Variants in UTRN observed in about 807,000 individuals in gnomAD.
UTRN encodes utrophin.
UTRN carries 283 observed loss-of-function variants against 463.9 expected under a neutral mutation model. The observed-to-expected ratio is 0.61, with a 90% CI of 0.55 to 0.67. UTRN has a LOEUF of 0.67. Among genes scored for constraint, UTRN ranks in the 30% least tolerant of loss-of-function variants. The probability of loss-of-function intolerance (pLI) is 0.00; values close to 1 mark genes in which losing one functional copy is unlikely to be tolerated. For missense variants in UTRN, 3,922 were observed against 4,084.3 expected (o/e 0.96, Z 1.08); for synonymous variants, 1,442 against 1,431.5 (o/e 1.01, Z -0.17).
At chr6:144,414,807 C>T (rs1784232921) in intron 3 of UTRN, among the ~76,000 whole-genome samples, 1 of 151,942 alleles carries the variant, frequency 6.6e-6, no homozygotes, top group South Asian at 2.1e-4. Context: ...CCTCCGCCTC[C>T]CAGGTTCAAG....
chr6:144,543,218 C>G (rs1798128107), intron 46 of UTRN, among the ~76,000 whole-genome samples: 1 of 152,190 alleles, frequency 6.6e-6, no homozygotes, highest in Admixed American at 6.5e-5. Context: ...TCAGCTATAA[C>G]TTGTTGTGTT....
chr6:144,381,249 C>T (rs968300184), intron 2 of UTRN, among the ~76,000 whole-genome samples: 2 of 152,142 alleles, frequency 1.3e-5, no homozygotes, highest in Non-Finnish European at 2.9e-5. Flanking sequence ...ATTTAGCTCC[C>T]ACTTAAAAGT....
intron 65 of UTRN, among the ~76,000 whole-genome samples, chr6:144,808,746 C>A (rs1226603229): frequency 6.6e-6 from 1 of 151,866 alleles, no homozygotes; most frequent in Non-Finnish European, 1.5e-5. Flanking sequence ...TTTAAAGGTC[C>A]CACATATAAG....
intron 55 of UTRN, 89 bp downstream of exon 55, chr6:144,748,603 AT>A: frequency 6.7e-7 from 1 of 1,496,742 alleles, no homozygotes; most frequent in Non-Finnish European, 8.9e-7. Flanking sequence ...ATAAATTGTT[AT>A]AAGGGATTGT....
chr6:144,310,781 C>CACAA (rs776473585), intron 2 of UTRN, among the ~76,000 whole-genome samples: 3 of 152,200 alleles, frequency 2.0e-5, no homozygotes, highest in Non-Finnish European at 4.4e-5. Flanking sequence ...CTGTCTCAAA[C>CACAA]ACAAACAAAC....
chr6:144,572,203 C>G (rs566173908), intron 50 of UTRN, among the ~76,000 whole-genome samples: 13 of 152,220 alleles, frequency 8.5e-5, no homozygotes, highest in African/African-American at 3.1e-4. Context: ...GTGATCTCCT[C>G]TCACCATTAA....
chr6:144,367,334 TA>T (rs10565161), intron 2 of UTRN, among the ~76,000 whole-genome samples: 100,498 of 147,130 alleles, frequency 0.68, 34,041 homozygotes, highest in Middle Eastern at 0.73. Context: ...AAGGATTTGT[TA>T]AAAAAAAAAA....
intron 51 of UTRN, among the ~76,000 whole-genome samples, chr6:144,664,030 C>G (rs773220667): frequency 7.2e-5 from 11 of 152,154 alleles, no homozygotes; most frequent in African/African-American, 1.2e-4. Flanking sequence ...CAGACAAGGA[C>G]ATTTTCAATG....
intron 53 of UTRN, among the ~76,000 whole-genome samples, chr6:144,729,697 AG>A (rs1788315366): frequency 6.6e-6 from 1 of 152,242 alleles, no homozygotes; most frequent in Non-Finnish European, 1.5e-5. Context: ...CTCCACTTCA[AG>A]GAACAAAGGT....
intron 51 of UTRN, among the ~76,000 whole-genome samples, chr6:144,588,712 C>T (rs1284286257): frequency 6.6e-6 from 1 of 152,134 alleles, no homozygotes; most frequent in African/African-American, 2.4e-5. Flanking sequence ...GTAGGTACTG[C>T]TAGATTTTAA....
chr6:144,604,727 A>C (rs1804649624), intron 51 of UTRN, among the ~76,000 whole-genome samples: 1 of 152,128 alleles, frequency 6.6e-6, no homozygotes, highest in African/African-American at 2.4e-5. Context: ...CAGCCTGGCC[A>C]ACATGGTGAA....
intron 2 of UTRN, among the ~76,000 whole-genome samples, chr6:144,394,750 G>A (rs1782247482): frequency 6.6e-6 from 1 of 151,934 alleles, no homozygotes; most frequent in Non-Finnish European, 1.5e-5. Flanking sequence ...GAAAATTGCT[G>A]TTTCTTGGAT....
chr6:144,294,563 T>G (rs1350675166), intron 2 of UTRN, among the ~76,000 whole-genome samples: 1 of 152,042 alleles, frequency 6.6e-6, no homozygotes, highest in Non-Finnish European at 1.5e-5. Context: ...TAGGAAAATT[T>G]TGATCCTCAT....
chr6:144,618,941 A>G (rs1775061998), intron 51 of UTRN, among the ~76,000 whole-genome samples: 1 of 152,112 alleles, frequency 6.6e-6, no homozygotes, highest in African/African-American at 2.4e-5. Flanking sequence ...CAGAATTTAT[A>G]TTCTTTCAAC....
At chr6:144,578,401 C>T (rs970765251) in intron 51 of UTRN, among the ~76,000 whole-genome samples, 5 of 152,148 alleles carry the variant, frequency 3.3e-5, no homozygotes, top group Non-Finnish European at 7.3e-5. Flanking sequence ...GTGGTGCAAT[C>T]TCAGCTTGCT....
At chr6:144,808,865 T>C (rs1472665800) in intron 65 of UTRN, among the ~76,000 whole-genome samples, 1 of 152,130 alleles carries the variant, frequency 6.6e-6, no homozygotes, top group Non-Finnish European at 1.5e-5. Flanking sequence ...TCTTTTTTTA[T>C]GACTGGATAT....
intron 6 of UTRN, among the ~76,000 whole-genome samples, chr6:144,425,381 C>G (rs908067493): frequency 2.0e-5 from 3 of 152,164 alleles, no homozygotes; most frequent in Non-Finnish European, 4.4e-5. Flanking sequence ...AGTTTCTTCC[C>G]TGTAAATTGA....
intron 51 of UTRN, among the ~76,000 whole-genome samples, chr6:144,583,986 C>G (rs1166873486): frequency 1.2e-4 from 18 of 152,078 alleles, no homozygotes; most frequent in Non-Finnish European, 2.9e-5. Flanking sequence ...GCCAAATAAT[C>G]TTTCAGTAGA....
chr6:144,836,029 T>C, intron 70 of UTRN, 91 bp downstream of exon 70: 1 of 1,528,946 alleles, frequency 6.5e-7, no homozygotes, highest in Non-Finnish European at 8.8e-7. Flanking sequence ...TCAAGACTAT[T>C]GTCTAAGAAA....
Sources: allele counts gnomAD v4.1 joint callset (sites outside exome capture counted in the v4.1 genomes callset), GRCh38; gene constraint gnomAD v4.1.1; transcripts MANE v1.5; gene names NCBI Gene and HGNC (gene_info 2026-07-23, HGNC 2026-07-21).